PDE8A: variants seen among roughly 807,000 people sequenced by gnomAD.
PDE8A encodes the protein phosphodiesterase 8A.
PDE8A carries 59 observed loss-of-function variants against 105.0 expected under a neutral mutation model. That is an observed-to-expected ratio of 0.56 (90% CI 0.46 to 0.70). The LOEUF (loss-of-function observed/expected upper bound fraction) is 0.70, where lower values mean the gene tolerates loss of function less well. Among genes scored for constraint, PDE8A ranks in the 30% least tolerant of loss-of-function variants. PDE8A has a pLI of 0.00. For missense variants in PDE8A, 1,014 were observed against 1,045.9 expected, an observed-to-expected ratio of 0.97 and a Z score of 0.42; for synonymous variants, 355 against 371.9, an observed-to-expected ratio of 0.95 and a Z score of 0.52.
intron 1 of PDE8A, among the ~76,000 whole-genome samples, chr15:85,047,707 C>A (rs931929650): frequency 1.3e-5 from 2 of 152,136 alleles, no homozygotes; most frequent in African/African-American, 2.4e-5. Flanking sequence ...TTTATGCTGT[C>A]CTTTGTCTGT....
chr15:85,053,949 T>G (rs1293648100), intron 1 of PDE8A, among the ~76,000 whole-genome samples: 1 of 152,258 alleles, frequency 6.6e-6, no homozygotes, highest in Non-Finnish European at 1.5e-5. Context: ...ATATTGGCTG[T>G]GGGTTTGTCA....
At chr15:85,077,986 A>C (rs1006249059) in intron 5 of PDE8A, among the ~76,000 whole-genome samples, 5 of 151,996 alleles carry the variant, frequency 3.3e-5, no homozygotes, top group African/African-American at 1.2e-4. Context: ...ATGTAACTGG[A>C]GTTCCAGGAG....
At chr15:85,003,004 C>G (rs749891671) in intron 1 of PDE8A, among the ~76,000 whole-genome samples, 12 of 152,010 alleles carry the variant, frequency 7.9e-5, no homozygotes, top group Non-Finnish European at 1.6e-4. Context: ...TTTCATTTTA[C>G]TTCTTTGAGT....
intron 19 of PDE8A, 69 bp downstream of exon 19, chr15:85,123,262 TG>T: frequency 6.8e-7 from 1 of 1,480,696 alleles, no homozygotes; most frequent in African/African-American, 1.4e-5. Context: ...TGGAGACACA[TG>T]GGCTATGATA....
intron 5 of PDE8A, among the ~76,000 whole-genome samples, chr15:85,077,408 A>T (rs184514596): frequency 6.6e-6 from 1 of 152,378 alleles, no homozygotes; most frequent in East Asian, 1.9e-4. Context: ...ACCCTTGGGC[A>T]GATTTGTAGC....
chr15:85,037,544 TAATTA>T (rs1280369309), intron 1 of PDE8A, among the ~76,000 whole-genome samples: 1 of 152,250 alleles, frequency 6.6e-6, no homozygotes, highest in Non-Finnish European at 1.5e-5. Context: ...AACTGAGCCT[TAATTA>T]TAATGTGAAA....
intron 1 of PDE8A, among the ~76,000 whole-genome samples, chr15:85,025,028 T>C (rs1386410135): frequency 6.6e-6 from 1 of 152,226 alleles, no homozygotes; most frequent in Admixed American, 6.5e-5. Context: ...CCATTATGGG[T>C]TGGAGCAAAC....
chr15:85,070,062 C>T (rs183647269), intron 3 of PDE8A, among the ~76,000 whole-genome samples: 71 of 152,286 alleles, frequency 4.7e-4, no homozygotes, highest in African/African-American at 1.5e-3. Context: ...ACCAGCTTGC[C>T]CTGTCTCTGA....
chr15:85,041,454 C>T (rs533148075), intron 1 of PDE8A, among the ~76,000 whole-genome samples: 2 of 152,200 alleles, frequency 1.3e-5, no homozygotes, highest in African/African-American at 2.4e-5. Context: ...ATGTCCTCTG[C>T]ACCAGCAGCT....
intron 1 of PDE8A, among the ~76,000 whole-genome samples, chr15:85,034,845 C>G (rs994303852): frequency 4.6e-5 from 7 of 152,174 alleles, no homozygotes; most frequent in Non-Finnish European, 7.3e-5. Flanking sequence ...GCCATGAAAC[C>G]TGGCCCAGAA....
intron 19 of PDE8A, 61 bp downstream of exon 19, chr15:85,123,254 G>C: frequency 6.6e-7 from 1 of 1,524,788 alleles, no homozygotes. Context: ...TTGTGTTATG[G>C]AGACACATGG....
intron 8 of PDE8A, 124 bp from the exon 9 acceptor site, chr15:85,097,824 G>A: frequency 1.6e-6 from 1 of 631,178 alleles, no homozygotes; most frequent in Non-Finnish European, 2.9e-6. Context: ...AATCAGTTTG[G>A]GGTTGGGATC....
chr15:85,090,125 C>G (rs1180528138), intron 7 of PDE8A, among the ~76,000 whole-genome samples: 1 of 152,124 alleles, frequency 6.6e-6, no homozygotes, highest in Admixed American at 6.5e-5. Context: ...AGTTGGTGCC[C>G]TGAGAGGCAG....
intron 1 of PDE8A, among the ~76,000 whole-genome samples, chr15:85,045,584 C>T (rs548039619): frequency 5.9e-5 from 9 of 152,264 alleles, no homozygotes; most frequent in Admixed American, 6.5e-5. Context: ...AAAGTATTTA[C>T]GTGTTAGATA....
intron 1 of PDE8A, among the ~76,000 whole-genome samples, chr15:85,036,187 T>G (rs1432923473): frequency 1.3e-5 from 2 of 152,230 alleles, no homozygotes; most frequent in African/African-American, 4.8e-5. Context: ...CAAATTCCTC[T>G]GTTTATGTGG....
chr15:85,014,180 C>G (rs1328167278), intron 1 of PDE8A, among the ~76,000 whole-genome samples: 1 of 151,570 alleles, frequency 6.6e-6, no homozygotes, highest in Non-Finnish European at 1.5e-5. Flanking sequence ...GCTCTGTCCC[C>G]CAGGCTACCA....
At chr15:85,059,421 G>C (rs1248425598) in intron 1 of PDE8A, among the ~76,000 whole-genome samples, 2 of 152,192 alleles carry the variant, frequency 1.3e-5, no homozygotes, top group East Asian at 1.9e-4. Context: ...TATTGAGAGG[G>C]GGGTGTTGAA....
At chr15:85,102,357 C>T (rs1007796221) in intron 11 of PDE8A, among the ~76,000 whole-genome samples, 7 of 152,174 alleles carry the variant, frequency 4.6e-5, no homozygotes, top group African/African-American at 1.7e-4. Context: ...GCTTTGCATT[C>T]AAGAGCTCGT....
At chr15:85,078,933 A>C (rs2081422293) in intron 5 of PDE8A, among the ~76,000 whole-genome samples, 1 of 152,234 alleles carries the variant, frequency 6.6e-6, no homozygotes. Flanking sequence ...ATATACATAA[A>C]ATTCAGAGAT....
Sources: gnomAD v4.1 joint callset for allele counts (sites outside exome capture counted in the v4.1 genomes callset) on GRCh38, gnomAD v4.1.1 for gene constraint, MANE v1.5 for transcripts, NCBI Gene and HGNC (gene_info 2026-07-23, HGNC 2026-07-21) for gene names.